Variants in SGCD observed in about 807,000 individuals in gnomAD.
SGCD encodes delta-sarcoglycan.
SGCD carries 18 observed loss-of-function variants against 36.6 expected under a neutral mutation model. That is an observed-to-expected ratio of 0.49 (90% CI 0.34 to 0.73). SGCD has a LOEUF of 0.73. Among genes scored for constraint, SGCD ranks in the 30% least tolerant of loss-of-function variants. SGCD has a pLI of 0.01. For missense variants in SGCD, 387 were observed against 346.7 expected, an observed-to-expected ratio of 1.12 and a Z score of -0.92; for synonymous variants, 133 against 130.6, an observed-to-expected ratio of 1.02 and a Z score of -0.12.
Position 156,702,154 on chromosome 5 carries a change from T to C in SGCD, c.575+54618T>C, listed in dbSNP as rs79288587. Among the ~76,000 whole-genome samples, 860 of 152,330 alleles carry C rather than the reference T, an allele frequency of 5.6e-3. 14 individuals are homozygous for C. The highest frequency in any genetic ancestry group is 0.02 in the African/African-American group (811 of 41,584). On this transcript the variant is annotated intron_variant, in intron 7 of 8. Coordinates refer to ENST00000337851, the MANE Select transcript of SGCD (RefSeq NM_000337.6). The stretch of plus-strand genomic sequence containing the variant: ...CCTTCTCTGGGTCTATATGCATTTA[T>C]GCTGGTATTACAGGATGCAATTGAT...
rs775168254 is a variant in SGCD at position 156,493,390 on chromosome 5, C to T, written c.193-15211C>T. Among the ~76,000 whole-genome samples the T allele has an allele frequency of 1.8e-4, 28 of 152,060 alleles. 1 individual carries two copies. The highest frequency in any genetic ancestry group is 4.0e-4 in the Non-Finnish European group (27 of 67,992). ...AATGTTTAACCAAATCTCTTGGCAC[C>T]CCTTTGCCTAATCAACTTGACATGT... On this transcript the variant is annotated intron_variant, in intron 3 of 8. Coordinates refer to ENST00000337851, the MANE Select transcript of SGCD (RefSeq NM_000337.6).
chr5:156,735,917 G>A (rs1239988238), intron 7 of SGCD, among the ~76,000 whole-genome samples: 2 of 152,190 alleles, frequency 1.3e-5, no homozygotes, highest in Non-Finnish European at 2.9e-5. Flanking sequence ...AGCTCTGTGT[G>A]TCAGACTGAA....
chr5:155,830,299 G>T, the SGCD span, among the ~76,000 whole-genome samples: 10 of 152,152 alleles, frequency 6.6e-5, no homozygotes, highest in South Asian at 2.1e-3. Flanking sequence ...CTACTTTTTT[G>T]CAGTGTCCAC....
chr5:156,015,543 G>GT (rs1220981994), intron 1 of SGCD, among the ~76,000 whole-genome samples: 1 of 151,702 alleles, frequency 6.6e-6, no homozygotes, highest in Non-Finnish European at 1.5e-5. Flanking sequence ...TTACTGGGGT[G>GT]TTTTTTCTTG....
Position 156,594,929 on chromosome 5 carries a change from C to T in SGCD, c.383-3C>T, listed in dbSNP as rs2113388972. ...TATCTCTCTATCTCTCTATATCTCT[C>T]AGGTCCAAAAGCCGTAGAAGCTTAT... On this transcript the variant is annotated splice_polypyrimidine_tract_variant and splice_region_variant and intron_variant, in intron 5 of 8. Coordinates refer to ENST00000337851, the MANE Select transcript of SGCD (RefSeq NM_000337.6). 6.3e-7 allele frequency: 1 copy of T among 1,590,462 alleles called. No homozygotes were observed. Among genetic ancestry groups the T allele is most frequent in the East Asian group, 2.2e-5 (1 of 44,686 alleles).
At chr5:156,128,585 G>A (rs1762236901) in intron 3 of SGCD, among the ~76,000 whole-genome samples, 1 of 152,158 alleles carries the variant, frequency 6.6e-6, no homozygotes, top group Non-Finnish European at 1.5e-5. Context: ...CACGTGTCAA[G>A]GTAGGGACCT....
intron 1 of SGCD, among the ~76,000 whole-genome samples, chr5:155,920,973 G>A (rs1756864312): frequency 6.6e-6 from 1 of 152,128 alleles, no homozygotes; most frequent in Admixed American, 6.6e-5. Flanking sequence ...TTACCATGTA[G>A]GAGATAATTG....
intron 3 of SGCD, among the ~76,000 whole-genome samples, chr5:156,491,284 A>G (rs975452425): frequency 1.3e-5 from 2 of 152,150 alleles, no homozygotes; most frequent in African/African-American, 2.4e-5. Flanking sequence ...TAATCTATAG[A>G]TTTAATATAA....
chr5:155,780,861 A>G, the SGCD span, among the ~76,000 whole-genome samples: 18 of 152,304 alleles, frequency 1.2e-4, no homozygotes, highest in South Asian at 6.2e-4. Flanking sequence ...ATAACACTCT[A>G]TGATATAGCG....
At chr5:156,548,918 G>T (rs528820303) in intron 4 of SGCD, among the ~76,000 whole-genome samples, 2 of 152,234 alleles carry the variant, frequency 1.3e-5, no homozygotes, top group East Asian at 3.9e-4. Flanking sequence ...AAAATACCCT[G>T]TCTCCAGGTA....
intron 1 of SGCD, among the ~76,000 whole-genome samples, chr5:156,026,451 A>G (rs1026634132): frequency 1.3e-5 from 2 of 152,334 alleles, no homozygotes; most frequent in African/African-American, 4.8e-5. Flanking sequence ...CAGGAGGAGA[A>G]GGAACCCCAA....
At chr5:156,439,280 G>A (rs1472064486) in intron 3 of SGCD, among the ~76,000 whole-genome samples, 1 of 152,150 alleles carries the variant, frequency 6.6e-6, no homozygotes, top group African/African-American at 2.4e-5. Flanking sequence ...CAGCCAGTAA[G>A]TGAAAGAGCT....
At chr5:156,098,652 A>C (rs1003465707) in intron 1 of SGCD, among the ~76,000 whole-genome samples, 1 of 152,118 alleles carries the variant, frequency 6.6e-6, no homozygotes, top group Non-Finnish European at 1.5e-5. Context: ...ACACACACAC[A>C]CACACACACA....
intron 3 of SGCD, among the ~76,000 whole-genome samples, chr5:156,257,164 AAAAT>A (rs71577192): frequency 6.1e-5 from 9 of 147,948 alleles, no homozygotes; most frequent in African/African-American, 1.5e-4. Flanking sequence ...CCCTGTCTTC[AAAAT>A]AAATAAATAA....
At chr5:156,093,253 C>A (rs951506809) in intron 1 of SGCD, among the ~76,000 whole-genome samples, 2 of 152,204 alleles carry the variant, frequency 1.3e-5, no homozygotes, top group Non-Finnish European at 2.9e-5. Context: ...GGCTTTCCTG[C>A]CCATACCACA....
intron 3 of SGCD, among the ~76,000 whole-genome samples, chr5:156,126,331 G>A (rs1762171824): frequency 6.6e-6 from 1 of 152,130 alleles, no homozygotes; most frequent in African/African-American, 2.4e-5. Context: ...CAGAATGTCT[G>A]TTCTGTCAAG....
chr5:156,736,022 G>A (rs539901254), intron 7 of SGCD, among the ~76,000 whole-genome samples: 9 of 152,222 alleles, frequency 5.9e-5, no homozygotes, highest in Admixed American at 2.6e-4. Context: ...ACAATCACTC[G>A]CTGCTTACCT....
chr5:156,523,676 T>C (rs1757504967), intron 4 of SGCD, among the ~76,000 whole-genome samples: 2 of 152,074 alleles, frequency 1.3e-5, no homozygotes, highest in Non-Finnish European at 2.9e-5. Flanking sequence ...AACAAAAATA[T>C]GGTAGAGTGT....
chr5:156,299,627 A>G (rs13358565), intron 3 of SGCD, among the ~76,000 whole-genome samples: 36,028 of 151,864 alleles, frequency 0.24, 4,554 homozygotes, highest in Admixed American at 0.28. Flanking sequence ...AGTGATTTAT[A>G]GTTTTCGTTA....
Sources: allele counts gnomAD v4.1 joint callset (sites outside exome capture counted in the v4.1 genomes callset), GRCh38; gene constraint gnomAD v4.1.1; transcripts MANE v1.5; gene names NCBI Gene and HGNC (gene_info 2026-07-23, HGNC 2026-07-21).